SDK1: variants seen among roughly 807,000 people sequenced by gnomAD.
The protein encoded by SDK1 is protein sidekick-1.
A neutral mutation model predicts 245.5 loss-of-function variants in SDK1; 157 were observed. That is an observed-to-expected ratio of 0.64 (90% CI 0.56 to 0.73). The LOEUF is 0.73. SDK1 is among the 30% of genes least tolerant of loss of function. The probability of loss-of-function intolerance (pLI) is 0.00; values close to 1 mark genes in which losing one functional copy is unlikely to be tolerated. For synonymous variants in SDK1, 1,647 were observed against 1,278.5 expected (o/e 1.29, Z -6.15); for missense variants, 3,583 against 3,002.3 (o/e 1.19, Z -4.52).
At chr7:4,061,186 T>C (rs1408783207) in intron 19 of SDK1, among the ~76,000 whole-genome samples, 1 of 152,054 alleles carries the variant, frequency 6.6e-6, no homozygotes, top group Non-Finnish European at 1.5e-5. Flanking sequence ...AAGAAAGTCA[T>C]TGGTAGCTTG....
At chr7:3,495,465 C>T (rs984280308) in intron 1 of SDK1, among the ~76,000 whole-genome samples, 4 of 151,872 alleles carry the variant, frequency 2.6e-5, no homozygotes, top group Admixed American at 6.6e-5. Context: ...TGCCATGTTG[C>T]CCAGGCAAGT....
At chr7:3,582,390 T>G (rs542573534) in intron 1 of SDK1, among the ~76,000 whole-genome samples, 1 of 145,418 alleles carries the variant, frequency 6.9e-6, no homozygotes, top group Non-Finnish European at 1.5e-5. Flanking sequence ...CTCAGGTAGG[T>G]CTCCCTCAGG....
chr7:3,929,145 G>C (rs12701291), intron 5 of SDK1, among the ~76,000 whole-genome samples: 39,344 of 152,166 alleles, frequency 0.26, 5,474 homozygotes, highest in Middle Eastern at 0.39. Flanking sequence ...CAATGCATTT[G>C]TCCTTGCCCT....
intron 2 of SDK1, among the ~76,000 whole-genome samples, chr7:3,622,981 T>C (rs939459278): frequency 1.3e-5 from 2 of 152,164 alleles, no homozygotes; most frequent in Non-Finnish European, 2.9e-5. Flanking sequence ...TTCCTTCCAG[T>C]AAGCATGTTC....
intron 4 of SDK1, among the ~76,000 whole-genome samples, chr7:3,773,504 C>T (rs1446860132): frequency 6.6e-6 from 1 of 152,164 alleles, no homozygotes; most frequent in Non-Finnish European, 1.5e-5. Flanking sequence ...GTTTTAAAGT[C>T]TCTGTCCAGT....
chr7:3,302,890 C>G (rs1026921324), intron 1 of SDK1, among the ~76,000 whole-genome samples: 1 of 152,170 alleles, frequency 6.6e-6, no homozygotes, highest in Non-Finnish European at 1.5e-5. Flanking sequence ...GAGCATTAAA[C>G]TTAAATTAGC....
chr7:3,646,189 G>C (rs978016133), intron 4 of SDK1, among the ~76,000 whole-genome samples: 1 of 152,106 alleles, frequency 6.6e-6, no homozygotes, highest in African/African-American at 2.4e-5. Context: ...CCTTGTGTGA[G>C]TTTGGTTCCC....
chr7:3,421,313 C>T (rs1372029745), intron 1 of SDK1, among the ~76,000 whole-genome samples: 1 of 151,990 alleles, frequency 6.6e-6, no homozygotes, highest in African/African-American at 2.4e-5. Context: ...CTCCAGTGAC[C>T]CGCCTGCCCT....
In SDK1 at chr7:3,682,550, C is replaced by G. The variant is rs79113743; in HGVS notation, c.713+40445C>G. On this transcript the variant is annotated intron_variant, in intron 4 of 44. Coordinates refer to ENST00000404826, the MANE Select transcript of SDK1 (RefSeq NM_152744.4). ...TGTCTGCTGCAGAGACAGTGCTGAG[C>G]CCCCATGCATGGGGCAGTGAGCCTT... is the stretch of plus-strand genomic sequence containing the variant. Among the ~76,000 whole-genome samples, 772 of 152,380 alleles carry G rather than the reference C, an allele frequency of 5.1e-3. 8 individuals are homozygous for G. The highest frequency in any genetic ancestry group is 0.018 in the African/African-American group (728 of 41,582).
At chr7:3,485,156 C>T (rs1212939289) in intron 1 of SDK1, among the ~76,000 whole-genome samples, 2 of 152,020 alleles carry the variant, frequency 1.3e-5, no homozygotes, top group Non-Finnish European at 2.9e-5. Flanking sequence ...GCATCCTAGC[C>T]AGCATTTGTT....
intron 1 of SDK1, among the ~76,000 whole-genome samples, chr7:3,516,879 A>T (rs879801196): frequency 6.6e-6 from 1 of 152,154 alleles, no homozygotes; most frequent in African/African-American, 2.4e-5. Context: ...ATTTGGGGAC[A>T]TGAAAAAGTG....
chr7:4,162,369 G>GTTATTATTATTATTATTA (rs533484732), intron 32 of SDK1, among the ~76,000 whole-genome samples: 1 of 128,392 alleles, frequency 7.8e-6, no homozygotes, highest in African/African-American at 2.8e-5. Context: ...TGTTGTTGTT[G>GTTATTATTATTATTATTA]TTATTATTAT....
chr7:3,698,687 G>C (rs1784647826), intron 4 of SDK1, among the ~76,000 whole-genome samples: 1 of 152,154 alleles, frequency 6.6e-6, no homozygotes, highest in Non-Finnish European at 1.5e-5. Context: ...TCATTTCTTG[G>C]TGAGGGCTTT....
At chr7:4,057,858 C>G (rs1380538328) in intron 19 of SDK1, among the ~76,000 whole-genome samples, 2 of 152,146 alleles carry the variant, frequency 1.3e-5, no homozygotes, top group Non-Finnish European at 2.9e-5. Context: ...GAATCAAAGC[C>G]AAAGTACCCT....
rs10255847 is a variant in SDK1 at position 3,774,369 on chromosome 7, A to G, written c.714-47081A>G. ...CTGTGATCAAAAGCAGCAATCAGTG[A>G]TAAGAACAGATGTCTTGTGTTTGGA... is the stretch of plus-strand genomic sequence containing the variant. On this transcript the variant is annotated intron_variant, in intron 4 of 44. Transcript: ENST00000404826. Among the ~76,000 whole-genome samples the G allele has an allele frequency of 4.9e-3, 748 of 152,342 alleles. 6 individuals carry two copies. Among genetic ancestry groups the G allele is most frequent in the African/African-American group, 0.017 (723 of 41,578 alleles).
intron 20 of SDK1, among the ~76,000 whole-genome samples, chr7:4,073,959 T>A (rs1780445699): frequency 7.3e-6 from 1 of 137,146 alleles, no homozygotes; most frequent in Admixed American, 6.9e-5. Flanking sequence ...GGCTGAGCAC[T>A]ATGGGGTGGG....
chr7:3,821,476 T>C lies in SDK1; in HGVS notation c.740T>C (p.Val247Ala). The change falls in exon 5 of 45, where the codon GTG becomes GCG. Residue 247 changes from valine (V) to alanine (A), a missense_variant. Coordinates refer to ENST00000404826, the MANE Select transcript of SDK1 (RefSeq NM_152744.4). Reference protein sequence around the residue: ...RIAITLENQLVILATTTSDAG... With the variant: ...RIAITLENQLAILATTTSDAG... ...GCCATCACATTGGAGAATCAGCTGG[T>C]GATCCTCGCCACCACAACCAGTGAT... is the stretch of plus-strand genomic sequence containing the variant. The C allele has an allele frequency of 6.2e-7, 1 of 1,613,564 alleles. No homozygotes were observed. Among genetic ancestry groups the C allele is most frequent in the Non-Finnish European group, 8.5e-7 (1 of 1,179,774 alleles).
intron 1 of SDK1, among the ~76,000 whole-genome samples, chr7:3,312,835 G>C (rs1403861629): frequency 6.7e-6 from 1 of 148,168 alleles, no homozygotes; most frequent in African/African-American, 2.4e-5. Flanking sequence ...TAGAATGGCT[G>C]AGAAGTTTTC....
intron 4 of SDK1, among the ~76,000 whole-genome samples, chr7:3,754,363 A>G (rs73304276): frequency 0.012 from 1,888 of 152,318 alleles, 41 homozygotes; most frequent in African/African-American, 0.043. Flanking sequence ...CCATATTAAT[A>G]TTTCCCCTGA....
Sources: allele counts gnomAD v4.1 joint callset (sites outside exome capture counted in the v4.1 genomes callset), GRCh38; gene constraint gnomAD v4.1.1; transcripts MANE v1.5; gene names NCBI Gene and HGNC (gene_info 2026-07-23, HGNC 2026-07-21).